Variants in GABRA2 observed in about 807,000 individuals in gnomAD.
GABRA2 encodes gamma-aminobutyric acid receptor subunit alpha-2.
GABRA2 carries 16 observed loss-of-function variants against 48.7 expected under a neutral mutation model. The observed-to-expected ratio is 0.33, with a 90% confidence interval of 0.22 to 0.50. GABRA2 has a LOEUF of 0.50. Among genes scored for constraint, GABRA2 ranks in the 20% least tolerant of loss-of-function variants. GABRA2 has a pLI of 0.98. For missense variants in GABRA2, 275 were observed against 535.6 expected, an observed-to-expected ratio of 0.51 and a Z score of 4.80; for synonymous variants, 185 against 184.5, an observed-to-expected ratio of 1.00 and a Z score of -0.02.
intron 8 of GABRA2, among the ~76,000 whole-genome samples, chr4:46,293,700 C>T (rs186591084): frequency 5.5e-4 from 83 of 152,196 alleles, no homozygotes; most frequent in Admixed American, 8.5e-4. Flanking sequence ...GTGGAAAAGA[C>T]GAAATGTAAG....
intron 5 of GABRA2, 63 bp from the exon 6 acceptor site, chr4:46,310,318 A>T: frequency 1.7e-6 from 2 of 1,178,646 alleles, no homozygotes; most frequent in South Asian, 1.2e-5. Flanking sequence ...ATCACTCGTC[A>T]TTACTCTCAA....
At chr4:46,264,256 A>T (rs1020200229) in intron 8 of GABRA2, among the ~76,000 whole-genome samples, 1 of 152,072 alleles carries the variant, frequency 6.6e-6, no homozygotes, top group African/African-American at 2.4e-5. Context: ...TATAAATAAG[A>T]TCATGCAAAT....
rs577740012 is a variant in GABRA2, at chr4:46,338,942, G to A, written c.188-6260C>T. On this transcript the variant is annotated intron_variant, in intron 3 of 9. Transcript: ENST00000381620. The stretch of plus-strand genomic sequence containing the variant: ...AATATAGCTCAGGCAGTTAAGATGA[G>A]ATGAAAGATTTCTTTTCACCATCTC... Among the ~76,000 whole-genome samples the A allele has an allele frequency of 2.0e-5, 3 of 151,980 alleles. No homozygotes were observed. The South Asian group carries it at 6.2e-4, about 31-fold the overall frequency.
intron 3 of GABRA2, among the ~76,000 whole-genome samples, chr4:46,353,437 C>A (rs1305534412): frequency 2.0e-5 from 3 of 152,064 alleles, no homozygotes; most frequent in Non-Finnish European, 4.4e-5. Flanking sequence ...ATGGCTCTGC[C>A]CAGAACTTTG....
At chr4:46,327,689 C>T (rs1364249731) in intron 4 of GABRA2, among the ~76,000 whole-genome samples, 1 of 151,990 alleles carries the variant, frequency 6.6e-6, no homozygotes, top group Admixed American at 6.6e-5. Flanking sequence ...TAATTAATAT[C>T]CCAGTAGCTT....
Position 46,248,642 on chromosome 4 carries a change from G to A in GABRA2, c.*1666C>T, listed in dbSNP as rs1714150999. On this transcript the variant is annotated 3_prime_UTR_variant, in exon 10 of 10. Coordinates refer to ENST00000381620, the MANE Select transcript of GABRA2 (RefSeq NM_000807.4). ...AATTTTAAAAATTAAATGAGGCAAA[G>A]GAATAGCAATTTTTGCTGATATTTT... The A allele has an allele frequency of 6.6e-6, 1 of 151,272 alleles. No homozygotes were observed. Among genetic ancestry groups the A allele is most frequent in the Admixed American group, 6.6e-5 (1 of 15,098 alleles). The allele number at this position is 151,272 out of a possible 1,614,324, so 9.4% of individuals were successfully genotyped here. A position where few individuals can be genotyped will look rare whatever the true frequency, so the allele number is the denominator to read the frequency against.
At chr4:46,352,369 G>A (rs1423275627) in intron 3 of GABRA2, among the ~76,000 whole-genome samples, 2 of 151,752 alleles carry the variant, frequency 1.3e-5, no homozygotes, top group Admixed American at 1.3e-4. Context: ...GTATTTGTGA[G>A]TCACAGATTA....
intron 3 of GABRA2, among the ~76,000 whole-genome samples, chr4:46,357,666 C>CTTTTTTTTT (rs530230630): frequency 7.5e-6 from 1 of 133,082 alleles, no homozygotes; most frequent in Non-Finnish European, 1.6e-5. Flanking sequence ...TATTTTCTTT[C>CTTTTTTTTT]TTTTTTTTTT....
chr4:46,372,720 T>C (rs1715086059), intron 3 of GABRA2, among the ~76,000 whole-genome samples: 1 of 152,164 alleles, frequency 6.6e-6, no homozygotes, highest in South Asian at 2.1e-4. Context: ...AAGAGCAAAC[T>C]TTCCTGTTTC....
intron 9 of GABRA2, 32 bp from the exon 10 acceptor site, chr4:46,250,636 G>T (rs763458688): frequency 1.3e-6 from 2 of 1,497,790 alleles, no homozygotes; most frequent in Non-Finnish European, 1.8e-6. Context: ...AACAGAGTGT[G>T]GGTTGAGTCT....
intron 6 of GABRA2, among the ~76,000 whole-genome samples, chr4:46,307,010 C>T (rs1182809292): frequency 1.3e-5 from 2 of 151,960 alleles, no homozygotes; most frequent in Non-Finnish European, 2.9e-5. Context: ...ACCATTATCA[C>T]TACATATATA....
chr4:46,349,653 A>G (rs1734787594), intron 3 of GABRA2, among the ~76,000 whole-genome samples: 1 of 151,958 alleles, frequency 6.6e-6, no homozygotes, highest in Non-Finnish European at 1.5e-5. Context: ...TGGCAATAGT[A>G]CAAACCCTTG....
chr4:46,389,630 T>G (rs2109394731), intron 1 of GABRA2, 105 bp downstream of exon 1: 2 of 674,780 alleles, frequency 3.0e-6, no homozygotes, highest in Admixed American at 1.3e-4. Flanking sequence ...GCCTCCTCCG[T>G]TTCCAGGGAG....
chr4:46,281,408 A>C (rs538968304), intron 8 of GABRA2, among the ~76,000 whole-genome samples: 1 of 152,214 alleles, frequency 6.6e-6, no homozygotes, highest in African/African-American at 2.4e-5. Context: ...ATGAACTCAA[A>C]TATTTAGGGG....
chr4:46,274,999 C>T (rs114092301), intron 8 of GABRA2, among the ~76,000 whole-genome samples: 7 of 152,018 alleles, frequency 4.6e-5, no homozygotes, highest in Non-Finnish European at 1.0e-4. Flanking sequence ...GCCTAGGAAG[C>T]ATTGGGCAGT....
chr4:46,268,560 T>C (rs2109388204), intron 8 of GABRA2, among the ~76,000 whole-genome samples: 1 of 152,028 alleles, frequency 6.6e-6, no homozygotes, highest in East Asian at 1.9e-4. Flanking sequence ...GGCAAGGATG[T>C]ATATTGCACA....
intron 9 of GABRA2, among the ~76,000 whole-genome samples, chr4:46,259,641 AT>A (rs747987203): frequency 4.6e-5 from 7 of 151,830 alleles, no homozygotes; most frequent in Non-Finnish European, 7.4e-5. Context: ...GATAATTGGT[AT>A]TTTATGAATT....
chr4:46,312,763 C>T (rs546962057), intron 4 of GABRA2, 47 bp from the exon 5 acceptor site: 1 of 947,494 alleles, frequency 1.1e-6, no homozygotes. Flanking sequence ...ATGTTGTAGA[C>T]ACAAGACACG....
intron 6 of GABRA2, 57 bp from the exon 7 acceptor site, chr4:46,305,768 G>T: frequency 7.8e-7 from 1 of 1,285,168 alleles, no homozygotes; most frequent in Non-Finnish European, 1.1e-6. Flanking sequence ...TCAATCTAGT[G>T]CTACACGAAC....
Sources: allele counts gnomAD v4.1 joint callset (sites outside exome capture counted in the v4.1 genomes callset), GRCh38; gene constraint gnomAD v4.1.1; transcripts MANE v1.5; gene names NCBI Gene and HGNC (gene_info 2026-07-23, HGNC 2026-07-21).